The following NSG1 variants were observed in gnomAD, a reference collection of about 807,000 sequenced individuals.
The protein encoded by NSG1 is neuronal vesicle trafficking-associated protein 1.
In NSG1, 9 loss-of-function variants were observed where a neutral mutation model predicts 19.3. The ratio of observed to expected loss-of-function variants is 0.47; its 90% CI spans 0.28 to 0.81. The LOEUF is 0.81. Ranked by LOEUF, NSG1 falls within the 40% of genes least tolerant of loss-of-function variation. NSG1 has a pLI of 0.11. For missense variants in NSG1, 236 were observed against 242.4 expected, an observed-to-expected ratio of 0.97 and a Z score of 0.18; for synonymous variants, 104 against 107.0, an observed-to-expected ratio of 0.97 and a Z score of 0.17.
intron 3 of NSG1, among the ~76,000 whole-genome samples, chr4:4,400,128 C>G (rs1723470679): frequency 6.6e-6 from 1 of 152,196 alleles, no homozygotes; most frequent in Admixed American, 6.5e-5. Context: ...AGATATTTGA[C>G]TCAATTGAGT....
intron 2 of NSG1, among the ~76,000 whole-genome samples, chr4:4,388,345 C>G (rs1488476566): frequency 6.6e-6 from 1 of 152,212 alleles, no homozygotes; most frequent in Non-Finnish European, 1.5e-5. Context: ...CAAATAAGTG[C>G]CCGGGCTCGC....
In NSG1 at chr4:4,395,620, T is replaced by C. The variant is rs370512080; in HGVS notation, c.246+4029T>C. Among the ~76,000 whole-genome samples the C allele has an allele frequency of 2.0e-5, 3 of 152,124 alleles. No homozygotes were observed. The East Asian group carries it at 5.8e-4, about 30-fold the overall frequency. On this transcript the variant is annotated intron_variant, in intron 3 of 4. Coordinates refer to ENST00000621129, the MANE Select transcript of NSG1 (RefSeq NM_014392.5). ...CATGATGGAGGGTCCGCAATAGAGA[T>C]TCACCCTCCCTGGCTTGTGTACCCC... is the stretch of plus-strand genomic sequence containing the variant.
At chr4:4,404,516 G>T (rs1277871468) in intron 3 of NSG1, among the ~76,000 whole-genome samples, 1 of 123,846 alleles carries the variant, frequency 8.1e-6, no homozygotes, top group African/African-American at 5.1e-5. Context: ...TTAGTCCCTG[G>T]CATGAATGGC....
chr4:4,404,346 C>T (rs890337324), intron 3 of NSG1, among the ~76,000 whole-genome samples: 2 of 152,214 alleles, frequency 1.3e-5, no homozygotes, highest in Non-Finnish European at 2.9e-5. Context: ...CTCACCGTGC[C>T]CACTGTTTGC....
rs371921217 is a variant in NSG1 at position 4,387,716 on chromosome 4, G to A, written c.87G>A (p.Thr29=). 19 of 1,612,854 alleles carry A rather than the reference G, an allele frequency of 1.2e-5. No homozygotes were observed. The highest frequency in any genetic ancestry group is 2.7e-5 in the African/African-American group (2 of 75,010). The change falls in exon 2 of 5, where the codon ACG becomes ACA. Residue 29 remains threonine, a synonymous_variant. Transcript: ENST00000621129. ...EDGFDTIPLM[T]PLDVNQLQFP... ...GCTTCGACACCATTCCCCTGATGAC[G>A]CCCCTCGATGTCAATCAGCTGCAGT...
intron 4 of NSG1, chr4:4,415,699 G>A (rs909117909): frequency 1.3e-5 from 2 of 156,718 alleles, no homozygotes; most frequent in South Asian, 3.7e-4. Flanking sequence ...GAGCCATCTC[G>A]TATGCCAGCC....
chr4:4,403,332 G>C (rs988333852), intron 3 of NSG1, among the ~76,000 whole-genome samples: 1 of 152,196 alleles, frequency 6.6e-6, no homozygotes, highest in African/African-American at 2.4e-5. Flanking sequence ...GGGGTGTGCC[G>C]GGCCCTGCTC....
chr4:4,403,381 C>T (rs1297661654), intron 3 of NSG1, among the ~76,000 whole-genome samples: 3 of 152,208 alleles, frequency 2.0e-5, no homozygotes, highest in African/African-American at 7.2e-5. Context: ...TTCCCTGCCG[C>T]TTCTGTCTTC....
At chr4:4,412,380 C>A (rs941496584) in intron 4 of NSG1, among the ~76,000 whole-genome samples, 1 of 151,596 alleles carries the variant, frequency 6.6e-6, no homozygotes, top group African/African-American at 2.4e-5. Flanking sequence ...TTAAAAGGCG[C>A]TCCAGGTGAT....
At chr4:4,391,359 T>C (rs1722979019) in intron 2 of NSG1, 116 bp from the exon 3 acceptor site, 2 of 682,316 alleles carry the variant, frequency 2.9e-6, no homozygotes, top group Admixed American at 5.0e-5. Flanking sequence ...GTTCTCGTTC[T>C]TGTGAATTTC....
chr4:4,406,176 C>T (rs976155980), intron 3 of NSG1, among the ~76,000 whole-genome samples: 1 of 152,048 alleles, frequency 6.6e-6, no homozygotes, highest in Non-Finnish European at 1.5e-5. Context: ...TACAGGCACT[C>T]ACCACCACGC....
intron 3 of NSG1, among the ~76,000 whole-genome samples, chr4:4,407,564 C>T (rs1723935087): frequency 6.6e-6 from 1 of 152,278 alleles, no homozygotes; most frequent in Non-Finnish European, 1.5e-5. Flanking sequence ...TGCAGAGAGG[C>T]CACGTCCCTC....
At chr4:4,399,228 G>A (rs779911211) in intron 3 of NSG1, among the ~76,000 whole-genome samples, 3 of 152,016 alleles carry the variant, frequency 2.0e-5, no homozygotes, top group African/African-American at 7.3e-5. Flanking sequence ...CTGCAGCCTC[G>A]ACCTCCTGGG....
chr4:4,409,694 G>T lies in NSG1; in HGVS notation c.357+11G>T, dbSNP rs753459061. ...GGGTTCGTCCTCAAGGTAAAACTCC[G>T]TTTTCCCCCAGAGGCCCTGGGACGC... On this transcript the variant is annotated intron_variant, in intron 4 of 4. Transcript: ENST00000621129. 3 of 1,607,272 alleles carry T rather than the reference G, an allele frequency of 1.9e-6. No individual in the cohort carries two copies. The highest frequency in any genetic ancestry group is 1.3e-5 in the African/African-American group (1 of 74,792).
chr4:4,399,244 G>A (rs1293360630), intron 3 of NSG1, among the ~76,000 whole-genome samples: 3 of 152,206 alleles, frequency 2.0e-5, no homozygotes, highest in Non-Finnish European at 4.4e-5. Context: ...CTGGGCTCAA[G>A]TGATCCTCCC....
chr4:4,391,462 T>G lies in NSG1; in HGVS notation c.130-13T>G, dbSNP rs1196118022. ...AATGCATCTGACTTTTGTTTCTCTG[T>G]TTCCTGGATAAGGTGGTCGTGAAAA... On this transcript the variant is annotated splice_polypyrimidine_tract_variant and intron_variant, in intron 2 of 4. Coordinates refer to ENST00000621129, the MANE Select transcript of NSG1 (RefSeq NM_014392.5). 1.3e-6 allele frequency: 2 copies of G among 1,589,232 alleles called. No homozygotes were observed. The highest frequency in any genetic ancestry group is 2.2e-5 in the South Asian group (2 of 89,296).
chr4:4,395,792 C>A (rs1723221946), intron 3 of NSG1, among the ~76,000 whole-genome samples: 1 of 152,218 alleles, frequency 6.6e-6, no homozygotes. Context: ...TGGAATCTCG[C>A]CTTTCCGATC....
chr4:4,396,394 G>T (rs1723250730), intron 3 of NSG1, among the ~76,000 whole-genome samples: 1 of 152,218 alleles, frequency 6.6e-6, no homozygotes, highest in Non-Finnish European at 1.5e-5. Context: ...CACCCTGTTT[G>T]CCTGTGATGT....
chr4:4,403,112 A>G (rs1414401200), intron 3 of NSG1, among the ~76,000 whole-genome samples: 2 of 151,274 alleles, frequency 1.3e-5, no homozygotes, highest in Non-Finnish European at 2.9e-5. Context: ...TCACTCACTC[A>G]CTCGCTGAAC....
Sources: gnomAD v4.1 joint callset for allele counts (sites outside exome capture counted in the v4.1 genomes callset) on GRCh38, gnomAD v4.1.1 for gene constraint, MANE v1.5 for transcripts, NCBI Gene and HGNC (gene_info 2026-07-23, HGNC 2026-07-21) for gene names.